Variants in KCNIP4 observed in about 807,000 individuals in gnomAD.
KCNIP4 encodes potassium voltage-gated channel interacting protein 4, also known as Kv channel-interacting protein 4.
Under a neutral mutation model 34.0 loss-of-function variants are expected in KCNIP4, and 12 were observed. The observed-to-expected ratio is 0.35, with a 90% CI of 0.23 to 0.57. The LOEUF (loss-of-function observed/expected upper bound fraction) is 0.57, where lower values mean the gene tolerates loss of function less well. Ranked by LOEUF, KCNIP4 falls within the 20% of genes least tolerant of loss-of-function variation. The pLI is 0.83. For synonymous variants in KCNIP4, 124 were observed against 102.2 expected (o/e 1.21, Z -1.29); for missense variants, 238 against 311.7 (o/e 0.76, Z 1.78).
intron 1 of KCNIP4, among the ~76,000 whole-genome samples, chr4:21,878,557 C>G (rs1726275871): frequency 6.6e-6 from 1 of 152,216 alleles, no homozygotes; most frequent in Non-Finnish European, 1.5e-5. Context: ...AATTAATGTT[C>G]CTGGTCCCTT....
At chr4:21,596,256 C>G (rs1742634651) in intron 1 of KCNIP4, among the ~76,000 whole-genome samples, 1 of 152,052 alleles carries the variant, frequency 6.6e-6, no homozygotes, top group South Asian at 2.1e-4. Flanking sequence ...AAATTTTCAA[C>G]TGTTTGGATG....
rs28361455 is a variant in KCNIP4 at position 21,581,980 on chromosome 4, G to T, written c.61+366591C>A. On this transcript the variant is annotated intron_variant, in intron 1 of 8. Coordinates refer to ENST00000382152, the MANE Select transcript of KCNIP4 (RefSeq NM_025221.6). Reference sequence around the variant, plus strand: ...GGCATGACTACATAGGGCATAGAAAGATAGAATAGACTACATAGGGCATAG... The same window carrying T: ...GGCATGACTACATAGGGCATAGAAATATAGAATAGACTACATAGGGCATAG... 3.2e-5 allele frequency: 4 copies of T among 124,246 alleles called. No individual in the cohort carries two copies. In the East Asian group the frequency reaches 9.1e-4, roughly 28 times the overall value. The allele number at this position is 124,246 out of a possible 1,614,324, so 7.7% of individuals were successfully genotyped here. A position where few individuals can be genotyped will look rare whatever the true frequency, so the allele number is the denominator to read the frequency against.
At chr4:21,231,931 G>A (rs565531663) in intron 1 of KCNIP4, among the ~76,000 whole-genome samples, 16 of 152,274 alleles carry the variant, frequency 1.1e-4, no homozygotes, top group Non-Finnish European at 1.6e-4. Flanking sequence ...ATAAGTGCAT[G>A]CACTCAATCA....
intron 1 of KCNIP4, among the ~76,000 whole-genome samples, chr4:21,523,872 C>A (rs962111391): frequency 2.0e-5 from 3 of 152,044 alleles, no homozygotes; most frequent in Admixed American, 6.6e-5. Flanking sequence ...TGTGCCTGGA[C>A]TTTTTTGCTT....
intron 1 of KCNIP4, among the ~76,000 whole-genome samples, chr4:21,592,061 GGA>G (rs1177109179): frequency 2.0e-5 from 3 of 152,008 alleles, no homozygotes; most frequent in African/African-American, 7.2e-5. Flanking sequence ...AAAATATACT[GGA>G]GTAACAGAAT....
intron 1 of KCNIP4, among the ~76,000 whole-genome samples, chr4:21,022,770 C>T (rs1202044182): frequency 1.3e-5 from 2 of 152,070 alleles, no homozygotes; most frequent in Non-Finnish European, 2.9e-5. Flanking sequence ...TCAAATGATC[C>T]TAATCATCAT....
At chr4:21,339,377 G>A (rs1286594516) in intron 1 of KCNIP4, among the ~76,000 whole-genome samples, 2 of 152,154 alleles carry the variant, frequency 1.3e-5, no homozygotes, top group Non-Finnish European at 1.5e-5. Context: ...CAGTTTAGAC[G>A]TAGGATATGG....
intron 1 of KCNIP4, among the ~76,000 whole-genome samples, chr4:21,243,062 G>A (rs376611057): frequency 1.8e-4 from 27 of 151,964 alleles, no homozygotes; most frequent in Admixed American, 3.3e-4. Context: ...TATCACTAAC[G>A]TTATTATCAT....
At chr4:21,813,496 G>A (rs970701873) in intron 1 of KCNIP4, among the ~76,000 whole-genome samples, 1 of 152,066 alleles carries the variant, frequency 6.6e-6, no homozygotes, top group Non-Finnish European at 1.5e-5. Context: ...AAACTTTTCA[G>A]AAACTTGCCC....
At chr4:21,916,878 G>A (rs1348197572) in intron 1 of KCNIP4, among the ~76,000 whole-genome samples, 1 of 152,134 alleles carries the variant, frequency 6.6e-6, no homozygotes, top group Non-Finnish European at 1.5e-5. Context: ...TCTGAGTCAA[G>A]GGAGTCAACT....
chr4:20,968,938 A>C, intron 1 of KCNIP4, among the ~76,000 whole-genome samples: 1 of 152,280 alleles, frequency 6.6e-6, no homozygotes, highest in South Asian at 2.1e-4. Flanking sequence ...AAAAATAAAA[A>C]TAAAAGTAAA....
chr4:21,092,289 C>T (rs1186085570), intron 1 of KCNIP4, among the ~76,000 whole-genome samples: 5 of 151,690 alleles, frequency 3.3e-5, no homozygotes, highest in Admixed American at 6.6e-5. Context: ...GATAGCACAC[C>T]GAGAATGCTA....
chr4:21,677,183 G>A lies in KCNIP4; in HGVS notation c.61+271388C>T, dbSNP rs560278998. Among the ~76,000 whole-genome samples, 8 of 152,092 alleles carry A rather than the reference G, an allele frequency of 5.3e-5. No homozygotes were observed. In the East Asian group the frequency reaches 1.5e-3, roughly 29 times the overall value. On this transcript the variant is annotated intron_variant, in intron 1 of 8. Coordinates refer to ENST00000382152, the MANE Select transcript of KCNIP4 (RefSeq NM_025221.6). The stretch of plus-strand genomic sequence containing the variant: ...GATTCTGAGTCCCTCAGACCACTTA[G>A]GGATTACTGACAGTCTTCTTTTGAG...
chr4:21,347,510 G>T (rs1373718494), intron 1 of KCNIP4, among the ~76,000 whole-genome samples: 1 of 152,206 alleles, frequency 6.6e-6, no homozygotes, highest in Non-Finnish European at 1.5e-5. Flanking sequence ...GAGAAATGTA[G>T]CTCCTTGTGA....
intron 1 of KCNIP4, among the ~76,000 whole-genome samples, chr4:21,078,051 A>G (rs1041205631): frequency 2.8e-4 from 42 of 152,206 alleles, no homozygotes; most frequent in African/African-American, 1.0e-3. Flanking sequence ...TTTTAGACAT[A>G]TCTAGCAGGA....
At chr4:20,948,598 C>A (rs115939928) in intron 1 of KCNIP4, among the ~76,000 whole-genome samples, 1,680 of 152,328 alleles carry the variant, frequency 0.011, 31 homozygotes, top group African/African-American at 0.038. Flanking sequence ...CCTGGTGCAG[C>A]TTTGCTTAAG....
In KCNIP4 at chr4:21,817,024, G is replaced by A. The variant is rs2109281037; in HGVS notation, c.61+131547C>T. Among the ~76,000 whole-genome samples the A allele has an allele frequency of 1.3e-5, 2 of 152,242 alleles. 1 individual carries two copies. Among genetic ancestry groups the A allele is most frequent in the South Asian group, 4.1e-4 (2 of 4,822 alleles). On this transcript the variant is annotated intron_variant, in intron 1 of 8. Coordinates refer to ENST00000382152, the MANE Select transcript of KCNIP4 (RefSeq NM_025221.6). ...GTTTCATAGTATGTGCTTGACAGAT[G>A]TGAGCTATTATTTTCATGTCACTAA...
intron 1 of KCNIP4, among the ~76,000 whole-genome samples, chr4:21,274,803 G>A (rs1762342580): frequency 6.6e-6 from 1 of 151,986 alleles, no homozygotes; most frequent in South Asian, 2.1e-4. Flanking sequence ...TTCTATACTT[G>A]GATGACTGAT....
At chr4:21,883,870 T>C (rs942626031) in intron 1 of KCNIP4, among the ~76,000 whole-genome samples, 10 of 152,108 alleles carry the variant, frequency 6.6e-5, no homozygotes, top group African/African-American at 2.4e-4. Context: ...GAATGGAGAA[T>C]GGATAGGGTG....
Sources: gnomAD v4.1 joint callset for allele counts (sites outside exome capture counted in the v4.1 genomes callset) on GRCh38, gnomAD v4.1.1 for gene constraint, MANE v1.5 for transcripts, NCBI Gene and HGNC (gene_info 2026-07-23, HGNC 2026-07-21) for gene names.